XRCC4: variants seen among roughly 807,000 people sequenced by gnomAD.
XRCC4 encodes DNA repair protein XRCC4.
Under a neutral mutation model 39.1 loss-of-function variants are expected in XRCC4, and 28 were observed. The ratio of observed to expected loss-of-function variants is 0.72; its 90% CI spans 0.53 to 0.98. XRCC4 has a LOEUF of 0.98. XRCC4 is among the 50% of genes least tolerant of loss of function. The pLI is 0.00. For missense variants in XRCC4, 350 were observed against 376.4 expected (o/e 0.93, Z 0.58); for synonymous variants, 123 against 126.4 (o/e 0.97, Z 0.18).
At chr5:83,224,416 A>T (rs1365746870) in intron 6 of XRCC4, among the ~76,000 whole-genome samples, 1 of 151,918 alleles carries the variant, frequency 6.6e-6, no homozygotes, top group Admixed American at 6.6e-5. Context: ...CCCTCTTTAT[A>T]TGTTTTATGT....
intron 6 of XRCC4, among the ~76,000 whole-genome samples, chr5:83,232,694 A>G (rs1397016837): frequency 6.6e-6 from 1 of 152,130 alleles, no homozygotes; most frequent in Non-Finnish European, 1.5e-5. Flanking sequence ...GGATGACTGG[A>G]TCATTGTCAT....
At chr5:83,242,104 G>C (rs148143140) in intron 6 of XRCC4, among the ~76,000 whole-genome samples, 1 of 150,064 alleles carries the variant, frequency 6.7e-6, no homozygotes, top group East Asian at 2.0e-4. Flanking sequence ...AAAAATTCAC[G>C]TATAAATGGA....
intron 7 of XRCC4, chr5:83,310,789 A>C (rs1755682718): frequency 4.4e-6 from 2 of 456,646 alleles, no homozygotes; most frequent in Non-Finnish European, 8.8e-6. Flanking sequence ...TCCTTATTAG[A>C]GGGAGGAAGA....
chr5:83,120,302 TC>T (rs1457599547), intron 3 of XRCC4, among the ~76,000 whole-genome samples: 24 of 152,068 alleles, frequency 1.6e-4, no homozygotes, highest in Admixed American at 1.6e-3. Flanking sequence ...GAATACCAAA[TC>T]AGTTTTTTTT....
chr5:83,211,307 A>G (rs887627712), intron 6 of XRCC4, among the ~76,000 whole-genome samples: 1 of 152,204 alleles, frequency 6.6e-6, no homozygotes, highest in Non-Finnish European at 1.5e-5. Flanking sequence ...CAACTGCTGT[A>G]CCTGAGCTAA....
chr5:83,213,288 T>C (rs147373945), intron 6 of XRCC4, among the ~76,000 whole-genome samples: 187 of 152,150 alleles, frequency 1.2e-3, no homozygotes, highest in African/African-American at 4.4e-3. Flanking sequence ...AACATGAATC[T>C]ACAGGAAGAA....
intron 6 of XRCC4, among the ~76,000 whole-genome samples, chr5:83,227,813 G>C (rs1752348031): frequency 6.6e-6 from 1 of 151,958 alleles, no homozygotes; most frequent in South Asian, 2.1e-4. Context: ...TAACATTGCA[G>C]ACATTCTTGA....
chr5:83,280,306 C>A, intron 7 of XRCC4: 1 of 398,598 alleles, frequency 2.5e-6, no homozygotes, highest in Non-Finnish European at 4.7e-6. Flanking sequence ...TGTTTTACAC[C>A]AAGGAATGAA....
chr5:83,133,608 C>A (rs1747720770), intron 3 of XRCC4, among the ~76,000 whole-genome samples: 1 of 152,200 alleles, frequency 6.6e-6, no homozygotes, highest in Non-Finnish European at 1.5e-5. Context: ...CTACCCTAGC[C>A]TTGCTGCCCC....
chr5:83,354,249 C>T (rs190855769), downstream of XRCC4, among the ~76,000 whole-genome samples: 60 of 152,318 alleles, frequency 3.9e-4, no homozygotes, highest in African/African-American at 1.4e-3. Flanking sequence ...TGTATTCCTC[C>T]TTTCCAGTCA....
At chr5:83,168,243 A>T (rs989051409) in intron 3 of XRCC4, among the ~76,000 whole-genome samples, 1 of 152,136 alleles carries the variant, frequency 6.6e-6, no homozygotes, top group East Asian at 1.9e-4. Flanking sequence ...TATAAGTAAG[A>T]TAATTTTATT....
chr5:83,267,592 G>A (rs1487622341), intron 7 of XRCC4, among the ~76,000 whole-genome samples: 2 of 152,150 alleles, frequency 1.3e-5, no homozygotes, highest in Non-Finnish European at 2.9e-5. Flanking sequence ...AGGAAACCAT[G>A]GTAGGAGATG....
chr5:83,197,440 G>C (rs1750998638), intron 4 of XRCC4, among the ~76,000 whole-genome samples: 1 of 152,226 alleles, frequency 6.6e-6, no homozygotes, highest in East Asian at 1.9e-4. Context: ...CAAAAATGCA[G>C]ACTGGGTACT....
Position 83,280,413 on chromosome 5 carries a change from G to C in XRCC4, c.893+21736G>C. Reference sequence around the variant, plus strand: ...TTCTCTCTGAATATTCTTTCCTTTTGTTTATTAATGGTGCCGCAATTTTGA... The same window carrying C: ...TTCTCTCTGAATATTCTTTCCTTTTCTTTATTAATGGTGCCGCAATTTTGA... On this transcript the variant is annotated intron_variant, in intron 7 of 7. Coordinates refer to ENST00000396027, the MANE Select transcript of XRCC4 (RefSeq NM_003401.5). 3 of 628,498 alleles carry C rather than the reference G, an allele frequency of 4.8e-6. 1 individual carries two copies. The highest frequency in any genetic ancestry group is 8.8e-6 in the Non-Finnish European group (3 of 341,636). 38.9% of individuals were successfully genotyped at this position (628,498 alleles called of 1,614,324 possible).
At chr5:83,190,314 A>T (rs983419697) in intron 3 of XRCC4, among the ~76,000 whole-genome samples, 1 of 152,186 alleles carries the variant, frequency 6.6e-6, no homozygotes, top group African/African-American at 2.4e-5. Context: ...GCAACTGTGT[A>T]TATATCTACA....
At chr5:83,195,564 G>T (rs1416776693) in intron 3 of XRCC4, among the ~76,000 whole-genome samples, 1 of 151,976 alleles carries the variant, frequency 6.6e-6, no homozygotes, top group African/African-American at 2.4e-5. Context: ...AATTATTCTT[G>T]GGCTATATGT....
rs140214880 is a variant in XRCC4 at position 83,086,388 on chromosome 5, G to A, written c.-11+8773G>A. 2.5e-3 allele frequency among the ~76,000 whole-genome samples: 379 copies of A among 152,292 alleles called. 1 individual carries two copies. Among genetic ancestry groups the A allele is most frequent in the Middle Eastern group, 0.01 (3 of 292 alleles). On this transcript the variant is annotated intron_variant, in intron 1 of 7. Coordinates refer to ENST00000396027, the MANE Select transcript of XRCC4 (RefSeq NM_003401.5). ...TAAACAGTTGATTAACATATGTTTT[G>A]TGTGTTATATGCATTATGTACTGTA...
At chr5:83,253,621 G>C (rs2112881673) in intron 6 of XRCC4, among the ~76,000 whole-genome samples, 1 of 151,998 alleles carries the variant, frequency 6.6e-6, no homozygotes, top group Middle Eastern at 3.4e-3. Context: ...TGTGTGCCAA[G>C]CTATATATCA....
chr5:83,120,559 C>T (rs1211004495), intron 3 of XRCC4, among the ~76,000 whole-genome samples: 1 of 152,174 alleles, frequency 6.6e-6, no homozygotes, highest in Admixed American at 6.5e-5. Flanking sequence ...TATTCTGGCT[C>T]ATAACTTTAT....
Sources: allele counts gnomAD v4.1 joint callset (sites outside exome capture counted in the v4.1 genomes callset), GRCh38; gene constraint gnomAD v4.1.1; transcripts MANE v1.5; gene names NCBI Gene and HGNC (gene_info 2026-07-23, HGNC 2026-07-21).